Variants in PALD1 observed in about 807,000 individuals in gnomAD.
PALD1 encodes paladin.
Under a neutral mutation model 96.0 loss-of-function variants are expected in PALD1, and 57 were observed. That is an observed-to-expected ratio of 0.59 (90% confidence interval 0.48 to 0.74). The LOEUF (loss-of-function observed/expected upper bound fraction) is 0.74, where lower values mean the gene tolerates loss of function less well. Ranked by LOEUF, PALD1 falls within the 30% of genes least tolerant of loss-of-function variation. PALD1 has a pLI of 0.00. For synonymous variants in PALD1, 464 were observed against 473.6 expected (o/e 0.98, Z 0.26); for missense variants, 1,063 against 1,143.7 (o/e 0.93, Z 1.02).
rs747837322 is a variant in PALD1 at position 70,539,172 on chromosome 10, G to C, written c.1650G>C (p.Glu550Asp). The C allele has an allele frequency of 6.2e-7, 1 of 1,613,382 alleles. No homozygotes were observed. The highest frequency in any genetic ancestry group is 2.2e-5 in the East Asian group (1 of 44,854). The change falls in exon 14 of 20, where the codon GAG becomes GAC. Residue 550 changes from glutamate (E) to aspartate (D), a missense_variant. Coordinates refer to ENST00000263563, the MANE Select transcript of PALD1 (RefSeq NM_014431.3). The surrounding 1 kb of genome is among the most constrained non-coding windows in gnomAD (Gnocchi z 4.5). ...RKVVWVSLRE[E>D]AVLECDGHTY... is the part of the protein sequence containing the mutation. ...TTGTCTGGGTGAGCCTTCGGGAGGA[G>C]GCCGTGTTGGAGTGTGACGGGCACA... is the stretch of plus-strand genomic sequence containing the variant.
intron 10 of PALD1, among the ~76,000 whole-genome samples, 194 bp from the exon 11 acceptor site, chr10:70,537,617 C>A (rs1353091308): frequency 3.9e-5 from 6 of 152,256 alleles, no homozygotes; most frequent in Non-Finnish European, 8.8e-5. Context: ...TCTCCCCTGA[C>A]CGCAGATAAC....
intron 1 of PALD1, among the ~76,000 whole-genome samples, chr10:70,500,114 G>A (rs766834350): frequency 3.9e-5 from 6 of 152,210 alleles, no homozygotes; most frequent in Admixed American, 6.5e-5. Flanking sequence ...TAAGGCTCGA[G>A]CCCACACAGT....
intron 1 of PALD1, among the ~76,000 whole-genome samples, chr10:70,489,224 C>A (rs1218327945): frequency 6.6e-6 from 1 of 152,134 alleles, no homozygotes; most frequent in Non-Finnish European, 1.5e-5. Context: ...GCTGCCTGGG[C>A]TCAGATTTTC....
intron 11 of PALD1, 85 bp downstream of exon 11, chr10:70,537,991 G>T: frequency 6.6e-6 from 7 of 1,052,716 alleles, no homozygotes; most frequent in Non-Finnish European, 1.0e-5. Context: ...TTGCTGTGGA[G>T]GGAGACCCCC....
chr10:70,549,655 A>G (rs1046040314), intron 18 of PALD1, among the ~76,000 whole-genome samples: 1 of 152,228 alleles, frequency 6.6e-6, no homozygotes, highest in African/African-American at 2.4e-5. Context: ...AGAGGCAGCA[A>G]AGGTGGTTCG....
At chr10:70,563,894 C>T (rs1450274039) in intron 18 of PALD1, among the ~76,000 whole-genome samples, 2 of 152,312 alleles carry the variant, frequency 1.3e-5, no homozygotes, top group Middle Eastern at 3.4e-3. Flanking sequence ...CTCATACCCT[C>T]GCCGAGGGAG....
chr10:70,528,689 C>T (rs552325205), intron 2 of PALD1, among the ~76,000 whole-genome samples: 1 of 152,298 alleles, frequency 6.6e-6, no homozygotes, highest in Admixed American at 6.5e-5. Context: ...AGATAAGATG[C>T]CTTCCTCAGG....
At chr10:70,564,055 G>A (rs568518154) in intron 18 of PALD1, among the ~76,000 whole-genome samples, 1 of 152,138 alleles carries the variant, frequency 6.6e-6, no homozygotes, top group Admixed American at 6.5e-5. Flanking sequence ...GCCATGCAGG[G>A]TATCTACAAT....
At chr10:70,547,026 G>A (rs145321486) in intron 17 of PALD1, among the ~76,000 whole-genome samples, 1 of 152,276 alleles carries the variant, frequency 6.6e-6, no homozygotes, top group African/African-American at 2.4e-5. Context: ...GCCTTTTTTA[G>A]ATATTCGGTA....
chr10:70,561,532 A>G (rs1847737947), intron 18 of PALD1, among the ~76,000 whole-genome samples: 2 of 152,070 alleles, frequency 1.3e-5, no homozygotes, highest in South Asian at 4.1e-4. Flanking sequence ...GTTTATATTT[A>G]GGTAAAATCT....
rs1847610990 is a variant in PALD1 at position 70,556,327 on chromosome 10, T to C, written c.2263-8037T>C. On this transcript the variant is annotated intron_variant, in intron 18 of 19. Coordinates refer to ENST00000263563, the MANE Select transcript of PALD1 (RefSeq NM_014431.3). Reference sequence around the variant, plus strand: ...CTCTCTGTCTCTGTCTCTCTGTCTCTCTTTTTGAGATGGGGTCTTGCTCTG... The same window carrying C: ...CTCTCTGTCTCTGTCTCTCTGTCTCCCTTTTTGAGATGGGGTCTTGCTCTG... 3.3e-5 allele frequency among the ~76,000 whole-genome samples: 5 copies of C among 152,048 alleles called. No homozygotes were observed. The South Asian group carries it at 1.0e-3, about 32-fold the overall frequency.
intron 17 of PALD1, among the ~76,000 whole-genome samples, chr10:70,542,532 T>C (rs1445163266): frequency 6.6e-6 from 1 of 152,244 alleles, no homozygotes; most frequent in Admixed American, 6.5e-5. Context: ...CGTACAGTAT[T>C]TGTGTTTTAT....
chr10:70,503,160 G>A (rs1161031004), intron 1 of PALD1, among the ~76,000 whole-genome samples: 1 of 152,070 alleles, frequency 6.6e-6, no homozygotes, highest in Non-Finnish European at 1.5e-5. Context: ...GATTATAGGG[G>A]TGAACCACCA....
At position 70,547,370 on chromosome 10, in the gene PALD1, C is replaced by G. The variant is rs192719429; in HGVS notation, c.2186C>G (p.Ala729Gly). The G allele has an allele frequency of 4.2e-5, 67 of 1,611,952 alleles. No individual in the cohort carries two copies. In the Admixed American group the frequency reaches 1.1e-3, roughly 27 times the overall value. ...CGTGTGAAGAAGGAGGTGGACGCAG[C>G]GCTGGACACTGTCAGCGAGACCATG... ...GHRVKKEVDA[A>G]LDTVSETMTP... Residue 729 changes from alanine (A) to glycine (G), a missense_variant, in exon 18 of 20, where the codon GCG (alanine) becomes GGG (glycine). Ala to Gly is a moderately conservative substitution (Grantham distance 60). Coordinates refer to ENST00000263563, the MANE Select transcript of PALD1 (RefSeq NM_014431.3).
chr10:70,472,306 G>C, the PALD1 span, among the ~76,000 whole-genome samples: 1 of 152,132 alleles, frequency 6.6e-6, no homozygotes, highest in Non-Finnish European at 1.5e-5. Flanking sequence ...TGTCGCCTGG[G>C]CTGGAGTGCA....
intron 1 of PALD1, among the ~76,000 whole-genome samples, chr10:70,498,387 C>T (rs1846231868): frequency 1.3e-5 from 2 of 152,166 alleles, no homozygotes; most frequent in South Asian, 2.1e-4. Flanking sequence ...TCAAGCAATC[C>T]TCCTGTTTCA....
chr10:70,503,414 T>A (rs1344132156), intron 1 of PALD1, among the ~76,000 whole-genome samples: 1 of 152,100 alleles, frequency 6.6e-6, no homozygotes, highest in African/African-American at 2.4e-5. Context: ...GGCGGGTGGA[T>A]CACCTTAGGT....
At chr10:70,542,295 C>T (rs886489342) in intron 17 of PALD1, among the ~76,000 whole-genome samples, 5 of 152,192 alleles carry the variant, frequency 3.3e-5, no homozygotes, top group Non-Finnish European at 5.9e-5. Context: ...ATATGCATAA[C>T]ATAAAATGTA....
At chr10:70,507,863 A>T (rs1038854093) in intron 1 of PALD1, among the ~76,000 whole-genome samples, 21 of 151,956 alleles carry the variant, frequency 1.4e-4, no homozygotes, top group African/African-American at 4.1e-4. Flanking sequence ...TTTTAAAAAA[A>T]TTTTCCCTGT....
Sources: allele counts gnomAD v4.1 joint callset (sites outside exome capture counted in the v4.1 genomes callset), GRCh38; gene constraint gnomAD v4.1.1; non-coding constraint Gnocchi (gnomAD v3.1); transcripts MANE v1.5; gene names NCBI Gene and HGNC (gene_info 2026-07-23, HGNC 2026-07-21).